The following PTDSS2 variants were observed in gnomAD, a reference collection of about 807,000 sequenced individuals.
PTDSS2 encodes the protein phosphatidylserine synthase 2.
A neutral mutation model predicts 64.7 loss-of-function variants in PTDSS2; 41 were observed. The observed-to-expected ratio is 0.63, with a 90% CI of 0.49 to 0.82. The LOEUF (loss-of-function observed/expected upper bound fraction) is 0.82, where lower values mean the gene tolerates loss of function less well. Among genes scored for constraint, PTDSS2 ranks in the 40% least tolerant of loss-of-function variants. PTDSS2 has a pLI of 0.00. For synonymous variants in PTDSS2, 297 were observed against 277.8 expected (o/e 1.07, Z -0.69); for missense variants, 485 against 650.0 (o/e 0.75, Z 2.76).
intron 1 of PTDSS2, among the ~76,000 whole-genome samples, chr11:451,651 G>C (rs1846335129): frequency 6.6e-6 from 1 of 152,218 alleles, no homozygotes; most frequent in Non-Finnish European, 1.5e-5. Context: ...GATGGTCGGA[G>C]AGCAAATCTG....
rs536335319 is a variant in PTDSS2 at position 487,177 on chromosome 11, G to A, written c.570+104G>A. 20 of 1,183,686 alleles carry A rather than the reference G, an allele frequency of 1.7e-5. No individual in the cohort carries two copies. The African/African-American group carries it at 2.6e-4, about 15-fold the overall frequency. 73.3% of individuals were successfully genotyped at this position (1,183,686 alleles called of 1,614,324 possible). On this transcript the variant is annotated intron_variant, in intron 5 of 11. Transcript: ENST00000308020. The stretch of plus-strand genomic sequence containing the variant: ...CCTCGCACCCCTCAGCCCACACTTG[G>A]GGTCTCCTGGTGCAGAGATGTGCTG...
chr11:469,981 G>A (rs1847344057), intron 2 of PTDSS2, among the ~76,000 whole-genome samples: 2 of 152,150 alleles, frequency 1.3e-5, no homozygotes, highest in Admixed American at 1.3e-4. Context: ...AAACATCCAC[G>A]AGCCCATAGT....
At position 470,080 on chromosome 11, in the gene PTDSS2, C is replaced by T. The variant is rs986016038; in HGVS notation, c.285-3815C>T. ...AGTAAATGAGGTAGATCCCCCCATT[C>T]CAGGAGCTGGCGTGAGCTCCCGGCA... On this transcript the variant is annotated intron_variant, in intron 2 of 11. Transcript: ENST00000308020. The surrounding 1 kb of genome is among the most constrained non-coding windows in gnomAD (Gnocchi z 5.3). 3.3e-5 allele frequency among the ~76,000 whole-genome samples: 5 copies of T among 152,234 alleles called. No homozygotes were observed. Among genetic ancestry groups the T allele is most frequent in the African/African-American group, 1.2e-4 (5 of 41,462 alleles).
chr11:466,652 G>A (rs1314020177), intron 2 of PTDSS2, among the ~76,000 whole-genome samples: 2 of 151,854 alleles, frequency 1.3e-5, no homozygotes, highest in African/African-American at 2.4e-5. Flanking sequence ...CAAGTGATCC[G>A]CCCACCTCGG....
At position 488,751 on chromosome 11, in the gene PTDSS2, G is replaced by C; in HGVS notation, c.854+104G>C. The C allele has an allele frequency of 1.3e-5, 11 of 847,064 alleles. No individual in the cohort carries two copies. In the South Asian group the frequency reaches 1.4e-4, roughly 11 times the overall value. 52.5% of individuals were successfully genotyped at this position (847,064 alleles called of 1,614,324 possible). A position where few individuals can be genotyped will look rare whatever the true frequency, so the allele number is the denominator to read the frequency against. ...CCCGAGCACCAGGCCCGTCCAGTGT[G>C]CGGCTCAGGAGGGGTGACCGTGGGG... is the stretch of plus-strand genomic sequence containing the variant. On this transcript the variant is annotated intron_variant, in intron 8 of 11. Coordinates refer to ENST00000308020, the MANE Select transcript of PTDSS2 (RefSeq NM_030783.3).
chr11:488,173 A>G, intron 6 of PTDSS2, 26 bp from the exon 7 acceptor site: 1 of 1,553,032 alleles, frequency 6.4e-7, no homozygotes, highest in Non-Finnish European at 8.9e-7. Flanking sequence ...GGCGTCCCAT[A>G]CTCTGGCTGA....
chr11:484,027 G>A (rs532127226), intron 4 of PTDSS2, among the ~76,000 whole-genome samples: 10 of 152,314 alleles, frequency 6.6e-5, no homozygotes, highest in African/African-American at 1.9e-4. Context: ...GGTGTGTGGC[G>A]TCTGCACGTT....
intron 1 of PTDSS2, among the ~76,000 whole-genome samples, chr11:458,438 CT>C: frequency 6.6e-6 from 1 of 151,330 alleles, no homozygotes; most frequent in East Asian, 1.9e-4. Flanking sequence ...ATCTCCTGAC[CT>C]CGTGATCCGC....
chr11:485,357 C>T (rs1346584699), intron 4 of PTDSS2, among the ~76,000 whole-genome samples: 1 of 131,776 alleles, frequency 7.6e-6, no homozygotes, highest in Non-Finnish European at 1.6e-5. Context: ...ACTGCGCAGG[C>T]GTCTGTAAAC....
At chr11:485,979 T>C (rs1268420845) in intron 4 of PTDSS2, among the ~76,000 whole-genome samples, 1 of 130,678 alleles carries the variant, frequency 7.7e-6, no homozygotes, top group Non-Finnish European at 1.6e-5. Flanking sequence ...GTGCTCACCG[T>C]GCGCGCAGGC....
rs535421511 is a variant in PTDSS2, at chr11:462,854, G to A, written c.284+2566G>A. Reference sequence around the variant, plus strand: ...TACTAGAATTATCTGATGTCCTCAAGGGTAGATTTTCTTATATAGAAAATA... The same window carrying A: ...TACTAGAATTATCTGATGTCCTCAAAGGTAGATTTTCTTATATAGAAAATA... On this transcript the variant is annotated intron_variant, in intron 2 of 11. Coordinates refer to ENST00000308020, the MANE Select transcript of PTDSS2 (RefSeq NM_030783.3). The surrounding 1 kb of genome is among the most constrained non-coding windows in gnomAD (Gnocchi z 4.5). The A allele has an allele frequency of 1.1e-4, 16 of 152,336 alleles. No individual in the cohort carries two copies. Among genetic ancestry groups the A allele is most frequent in the African/African-American group, 3.6e-4 (15 of 41,588 alleles). 9.4% of individuals were successfully genotyped at this position (152,336 alleles called of 1,614,324 possible). A position where few individuals can be genotyped will look rare whatever the true frequency, so the allele number is the denominator to read the frequency against.
chr11:460,038 T>C lies in PTDSS2; in HGVS notation c.183-149T>C, dbSNP rs1846803258. ...CAGGGTCATCTCGGAGTTACCCAGCTAGGGACTCGCAGCCAGTTGCTGGTT... is the reference window on the plus strand; with the variant it reads ...CAGGGTCATCTCGGAGTTACCCAGCCAGGGACTCGCAGCCAGTTGCTGGTT... On this transcript the variant is annotated intron_variant, in intron 1 of 11. Coordinates refer to ENST00000308020, the MANE Select transcript of PTDSS2 (RefSeq NM_030783.3). This position sits in a 1 kb window ranked among gnomAD's most constrained non-coding sequence, Gnocchi z 5.8. 7.8e-6 allele frequency: 5 copies of C among 644,366 alleles called. No homozygotes were observed. In the Admixed American group the frequency reaches 9.2e-5, roughly 12 times the overall value. 39.9% of individuals were successfully genotyped at this position (644,366 alleles called of 1,614,324 possible). A position where few individuals can be genotyped will look rare whatever the true frequency, so the allele number is the denominator to read the frequency against.
chr11:456,012 C>T (rs7940939), intron 1 of PTDSS2, among the ~76,000 whole-genome samples: 3,411 of 152,242 alleles, frequency 0.022, 137 homozygotes, highest in African/African-American at 0.078. Context: ...CCGGCCCTGA[C>T]TTGCCTGCGG....
In PTDSS2 at chr11:461,724, C is replaced by T. The variant is rs1279966375; in HGVS notation, c.284+1436C>T. ...GTGCTCCAGGCCCAGCTCGCTCCTTCTCCCTTTCTTAGGCAGTCCCAGCGG... is the reference window on the plus strand; with the variant it reads ...GTGCTCCAGGCCCAGCTCGCTCCTTTTCCCTTTCTTAGGCAGTCCCAGCGG... On this transcript the variant is annotated intron_variant, in intron 2 of 11. Coordinates refer to ENST00000308020, the MANE Select transcript of PTDSS2 (RefSeq NM_030783.3). The surrounding 1 kb of genome is among the most constrained non-coding windows in gnomAD (Gnocchi z 4.2). Among the ~76,000 whole-genome samples, 1 of 152,126 alleles carries T rather than the reference C, an allele frequency of 6.6e-6. No individual in the cohort carries two copies. Among genetic ancestry groups the T allele is most frequent in the Admixed American group, 6.5e-5 (1 of 15,288 alleles).
intron 1 of PTDSS2, among the ~76,000 whole-genome samples, chr11:458,001 A>G (rs1846676961): frequency 6.6e-6 from 1 of 151,994 alleles, no homozygotes; most frequent in Non-Finnish European, 1.5e-5. Flanking sequence ...TTTTAATTTC[A>G]GCCGTTCCAG....
At position 490,759 on chromosome 11, in the gene PTDSS2, T is replaced by C. The variant is rs1362157610; in HGVS notation, c.*177T>C. 4 of 619,494 alleles carry C rather than the reference T, an allele frequency of 6.5e-6. No individual in the cohort carries two copies. The highest frequency in any genetic ancestry group is 8.4e-6 in the Non-Finnish European group (3 of 357,990). 38.4% of individuals were successfully genotyped at this position (619,494 alleles called of 1,614,324 possible). A position where few individuals can be genotyped will look rare whatever the true frequency, so the allele number is the denominator to read the frequency against. On this transcript the variant is annotated 3_prime_UTR_variant, in exon 12 of 12. Coordinates refer to ENST00000308020, the MANE Select transcript of PTDSS2 (RefSeq NM_030783.3). The stretch of plus-strand genomic sequence containing the variant: ...GAGGAGGCCCCAGCACAGCCTCATC[T>C]CCATGTGTACACGTGTGTACGTGTG...
intron 4 of PTDSS2, among the ~76,000 whole-genome samples, chr11:483,602 T>C (rs184032014): frequency 9.2e-5 from 14 of 152,364 alleles, no homozygotes; most frequent in African/African-American, 3.1e-4. Context: ...TTTGTTAATA[T>C]GATGAATTAC....
Position 487,030 on chromosome 11 carries a change from T to C in PTDSS2, c.527T>C (p.Ile176Thr). 6.2e-7 allele frequency: 1 copy of C among 1,613,624 alleles called. No homozygotes were observed. Among genetic ancestry groups the C allele is most frequent in the South Asian group, 1.1e-5 (1 of 91,070 alleles). Residue 176 changes from isoleucine to threonine, a missense_variant, in exon 5 of 12, where the codon ATC (isoleucine) becomes ACC (threonine). Transcript: ENST00000308020. ...AGAGACTACGGGGGAAACTGCCTCA[T>C]CTACGACCCAGACAATGAGACTGAC... ...PERDYGGNCL[I>T]YDPDNETDPF...
At chr11:474,257 T>C (rs1455599336) in intron 3 of PTDSS2, among the ~76,000 whole-genome samples, 2 of 152,156 alleles carry the variant, frequency 1.3e-5, no homozygotes, top group African/African-American at 2.4e-5. Context: ...CTGCCTCCTC[T>C]TTCCACAGAC....
Sources: allele counts gnomAD v4.1 joint callset (sites outside exome capture counted in the v4.1 genomes callset), GRCh38; gene constraint gnomAD v4.1.1; non-coding constraint Gnocchi (gnomAD v3.1); transcripts MANE v1.5; gene names NCBI Gene and HGNC (gene_info 2026-07-23, HGNC 2026-07-21).